The following GADL1 variants were observed in gnomAD, a reference collection of about 807,000 sequenced individuals.
GADL1 encodes GAD like acidic amino acid decarboxylase 1.
Under a neutral mutation model 69.5 loss-of-function variants are expected in GADL1, and 71 were observed. The ratio of observed to expected loss-of-function variants is 1.02; its 90% CI spans 0.84 to 1.25. The LOEUF is 1.25. Ranked by LOEUF, GADL1 falls within the 50% of genes most tolerant of loss-of-function variation. The probability of loss-of-function intolerance (pLI) is 0.00; values close to 1 mark genes in which losing one functional copy is unlikely to be tolerated. For synonymous variants in GADL1, 254 were observed against 214.4 expected, an observed-to-expected ratio of 1.18 and a Z score of -1.62; for missense variants, 737 against 631.8, an observed-to-expected ratio of 1.17 and a Z score of -1.79.
rs1696682290 is a variant in GADL1 at position 30,782,269 on chromosome 3, TG to T, written c.1303-4002del. 2.6e-5 allele frequency among the ~76,000 whole-genome samples: 4 copies of T among 152,268 alleles called. No individual in the cohort carries two copies. The South Asian group carries it at 8.3e-4, about 32-fold the overall frequency. ...TCTAGCAGCAGTGTGGCAGTTAGGC[TG>T]GAGGGATCTAAGACTGGAAGTGGGA... On this transcript the variant is annotated intron_variant, in intron 13 of 14. Transcript: ENST00000282538.
At chr3:30,870,361 G>A (rs1271186914) in intron 1 of GADL1, among the ~76,000 whole-genome samples, 1 of 151,744 alleles carries the variant, frequency 6.6e-6, no homozygotes, top group Non-Finnish European at 1.5e-5. Flanking sequence ...CAGGAAGAAG[G>A]AACAGAAAAT....
At chr3:30,865,549 G>C (rs1173313346) in intron 1 of GADL1, among the ~76,000 whole-genome samples, 2 of 152,000 alleles carry the variant, frequency 1.3e-5, no homozygotes, top group Admixed American at 6.6e-5. Context: ...TGAACTGATA[G>C]CACAGCAAGG....
chr3:30,763,367 G>C (rs985836581), intron 14 of GADL1, among the ~76,000 whole-genome samples: 3 of 151,882 alleles, frequency 2.0e-5, no homozygotes, highest in Non-Finnish European at 4.4e-5. Flanking sequence ...ACCAAGTATA[G>C]TGGCCGGCGC....
chr3:30,808,370 T>C (rs908686208), intron 11 of GADL1, among the ~76,000 whole-genome samples: 3 of 151,982 alleles, frequency 2.0e-5, no homozygotes, highest in Non-Finnish European at 4.4e-5. Flanking sequence ...GGTGGTTGCA[T>C]GCCTGTAATC....
chr3:30,801,726 G>T (rs544113515), intron 11 of GADL1, among the ~76,000 whole-genome samples: 104 of 152,156 alleles, frequency 6.8e-4, no homozygotes, highest in Non-Finnish European at 1.4e-3. Flanking sequence ...TAAGAAATGG[G>T]TGATAATTTA....
In GADL1 at chr3:30,844,316, A is replaced by C. The variant is rs769711225; in HGVS notation, c.732-52T>G. 1.9e-6 allele frequency: 3 copies of C among 1,560,900 alleles called. No homozygotes were observed. The South Asian group carries it at 3.3e-5, about 17-fold the overall frequency. ...AGTTATGTTTAGTAATTAACAGATA[A>C]TGATACTGCTTTATAAACCATATAA... is the stretch of plus-strand genomic sequence containing the variant. On this transcript the variant is annotated intron_variant, in intron 7 of 14. Coordinates refer to ENST00000282538, the MANE Select transcript of GADL1 (RefSeq NM_207359.3).
intron 11 of GADL1, among the ~76,000 whole-genome samples, chr3:30,802,124 C>A (rs1287255415): frequency 1.3e-5 from 2 of 152,200 alleles, no homozygotes; most frequent in African/African-American, 4.8e-5. Context: ...TCAACTTTTT[C>A]TTCCCCTTCA....
At chr3:30,817,009 G>A (rs1245330683) in intron 11 of GADL1, among the ~76,000 whole-genome samples, 1 of 152,054 alleles carries the variant, frequency 6.6e-6, no homozygotes, top group Non-Finnish European at 1.5e-5. Flanking sequence ...GTCAGCATGG[G>A]CTGACATACA....
intron 11 of GADL1, among the ~76,000 whole-genome samples, chr3:30,819,007 G>A (rs1697523445): frequency 3.3e-5 from 5 of 152,022 alleles, no homozygotes. Context: ...GAAGCCTGCA[G>A]GAACACAGGG....
chr3:30,807,592 T>A (rs989737799), intron 11 of GADL1, among the ~76,000 whole-genome samples: 2 of 152,182 alleles, frequency 1.3e-5, no homozygotes, highest in Non-Finnish European at 2.9e-5. Context: ...AGGGTAGGGA[T>A]GCTAGGTGGA....
At chr3:30,757,733 G>A (rs1696012925) in intron 14 of GADL1, among the ~76,000 whole-genome samples, 1 of 152,040 alleles carries the variant, frequency 6.6e-6, no homozygotes, top group South Asian at 2.1e-4. Context: ...ATTTGAAGGA[G>A]TTCTACAACT....
intron 6 of GADL1, 51 bp from the exon 7 acceptor site, chr3:30,844,517 A>T (rs1698023782): frequency 1.8e-6 from 2 of 1,141,376 alleles, no homozygotes; most frequent in African/African-American, 1.5e-5. Flanking sequence ...ACATAGCACA[A>T]AAAAAGCATT....
At chr3:30,779,481 A>T (rs1397335402) in intron 13 of GADL1, among the ~76,000 whole-genome samples, 1 of 152,228 alleles carries the variant, frequency 6.6e-6, no homozygotes, top group Non-Finnish European at 1.5e-5. Context: ...CTGTAATTCA[A>T]CTCAATTTTC....
At position 30,850,887 on chromosome 3, in the gene GADL1, C is replaced by T; in HGVS notation, c.483G>A (p.Lys161=). 1 of 1,550,818 alleles carries T rather than the reference C, an allele frequency of 6.4e-7. No homozygotes were observed. Among genetic ancestry groups the T allele is most frequent in the South Asian group, 1.2e-5 (1 of 84,024 alleles). ...VFLLVEEAVL[K]KMIEFIGWKE... Reference sequence around the variant, plus strand: ...TCCAGCCAATAAATTCAATCATTTTCTTCAGAACCGCTTCTTCCACTAACA... The same window carrying T: ...TCCAGCCAATAAATTCAATCATTTTTTTCAGAACCGCTTCTTCCACTAACA... Residue 161 remains lysine, a synonymous_variant, in exon 5 of 15, where the codon AAG becomes AAA. Coordinates refer to ENST00000282538, the MANE Select transcript of GADL1 (RefSeq NM_207359.3).
intron 12 of GADL1, among the ~76,000 whole-genome samples, chr3:30,797,088 A>G (rs1249127316): frequency 2.0e-5 from 3 of 152,206 alleles, no homozygotes; most frequent in Non-Finnish European, 4.4e-5. Context: ...ATATAATACA[A>G]TCAGGAGTTT....
intron 14 of GADL1, among the ~76,000 whole-genome samples, chr3:30,765,234 A>C (rs925336516): frequency 3.3e-5 from 5 of 152,178 alleles, no homozygotes; most frequent in Non-Finnish European, 7.3e-5. Flanking sequence ...ATCACCACTC[A>C]TAAGAAGTGG....
intron 12 of GADL1, among the ~76,000 whole-genome samples, chr3:30,786,780 TTTTTG>T (rs983970971): frequency 2.8e-4 from 43 of 152,234 alleles, no homozygotes; most frequent in African/African-American, 7.7e-4. Flanking sequence ...AGGAAAGAGT[TTTTTG>T]TTTTGTTTTG....
chr3:30,874,422 C>G (rs879482085), intron 1 of GADL1, among the ~76,000 whole-genome samples: 1 of 151,966 alleles, frequency 6.6e-6, no homozygotes, highest in Non-Finnish European at 1.5e-5. Context: ...TCAGCTGAAA[C>G]TCACTGAGAG....
intron 10 of GADL1, 83 bp from the exon 11 acceptor site, chr3:30,834,017 T>C: frequency 1.0e-6 from 1 of 1,001,066 alleles, no homozygotes; most frequent in South Asian, 1.3e-5. Context: ...TATCAATATC[T>C]GCATTCAGTA....
Sources: allele counts gnomAD v4.1 joint callset (sites outside exome capture counted in the v4.1 genomes callset), GRCh38; gene constraint gnomAD v4.1.1; transcripts MANE v1.5; gene names NCBI Gene and HGNC (gene_info 2026-07-23, HGNC 2026-07-21).